Variants in PDE5A observed in about 807,000 individuals in gnomAD.
PDE5A encodes the protein cGMP-specific 3',5'-cyclic phosphodiesterase.
Under a neutral mutation model 110.2 loss-of-function variants are expected in PDE5A, and 67 were observed. That is an observed-to-expected ratio of 0.61 (90% CI 0.50 to 0.75). The LOEUF (loss-of-function observed/expected upper bound fraction) is 0.75. Ranked by LOEUF, PDE5A falls within the 30% of genes least tolerant of loss-of-function variation. PDE5A has a pLI of 0.00. For synonymous variants in PDE5A, 328 were observed against 351.2 expected, an observed-to-expected ratio of 0.93 and a Z score of 0.74; for missense variants, 862 against 1,045.1, an observed-to-expected ratio of 0.82 and a Z score of 2.42.
In PDE5A at chr4:119,498,368, A is replaced by G; in HGVS notation, c.*233T>C. 4.2e-6 allele frequency: 2 copies of G among 470,870 alleles called. No individual in the cohort carries two copies. The highest frequency in any genetic ancestry group is 3.2e-5 in the East Asian group (1 of 31,306). 29.2% of individuals were successfully genotyped at this position (470,870 alleles called of 1,614,324 possible). A position where few individuals can be genotyped will look rare whatever the true frequency, so the allele number is the denominator to read the frequency against. The stretch of plus-strand genomic sequence containing the variant: ...ACAATGCTTTTATCAATGTGCTAAC[A>G]GTGGATGTTGTTGATCCTTTCAGTT... On this transcript the variant is annotated 3_prime_UTR_variant, in exon 21 of 21. Coordinates refer to ENST00000354960, the MANE Select transcript of PDE5A (RefSeq NM_001083.4).
intron 3 of PDE5A, among the ~76,000 whole-genome samples, chr4:119,576,288 A>G (rs895758833): frequency 4.6e-5 from 7 of 152,206 alleles, no homozygotes; most frequent in Non-Finnish European, 8.8e-5. Context: ...CGAGACAGAG[A>G]GTTAACAAGG....
At chr4:119,596,787 TA>T (rs1282508972) in intron 2 of PDE5A, among the ~76,000 whole-genome samples, 175 bp from the exon 3 acceptor site, 1 of 152,118 alleles carries the variant, frequency 6.6e-6, no homozygotes, top group Non-Finnish European at 1.5e-5. Context: ...TTGACAAAGA[TA>T]AATTGAAGTT....
In PDE5A at chr4:119,617,631, C is replaced by T. The variant is rs78266833; in HGVS notation, c.153-10334G>A. Among the ~76,000 whole-genome samples, 1,432 of 152,156 alleles carry T rather than the reference C, an allele frequency of 9.4e-3. 24 individuals carry two copies. The highest frequency in any genetic ancestry group is 0.032 in the African/African-American group (1,346 of 41,538). On this transcript the variant is annotated intron_variant, in intron 1 of 20. Coordinates refer to ENST00000354960, the MANE Select transcript of PDE5A (RefSeq NM_001083.4). Reference sequence around the variant, plus strand: ...AGAAAAATTGACAAGGCAAAGTAAACTTTTGATATAAACATAATAACCCTC... The same window carrying T: ...AGAAAAATTGACAAGGCAAAGTAAATTTTTGATATAAACATAATAACCCTC...
rs1730410234 is a variant in PDE5A, at chr4:119,627,700, G to A, written c.152+820C>T. ...TCTCCCGCGAGCGTTTCCCACGAGCGCCCCGACTGCCCGCTGCGCAGCCGC... is the reference window on the plus strand; with the variant it reads ...TCTCCCGCGAGCGTTTCCCACGAGCACCCCGACTGCCCGCTGCGCAGCCGC... On this transcript the variant is annotated intron_variant, in intron 1 of 20. Transcript: ENST00000354960. The surrounding 1 kb of genome is among the most constrained non-coding windows in gnomAD (Gnocchi z 4.6). 6.5e-6 allele frequency: 1 copy of A among 153,248 alleles called. No individual in the cohort carries two copies. Among genetic ancestry groups the A allele is most frequent in the Non-Finnish European group, 1.5e-5 (1 of 68,916 alleles). 9.5% of individuals were successfully genotyped at this position (153,248 alleles called of 1,614,324 possible). A position where few individuals can be genotyped will look rare whatever the true frequency, so the allele number is the denominator to read the frequency against.
chr4:119,506,794 C>T (rs1725569059), intron 16 of PDE5A, among the ~76,000 whole-genome samples: 1 of 151,890 alleles, frequency 6.6e-6, no homozygotes, highest in Non-Finnish European at 1.5e-5. Flanking sequence ...TAAGTAGGCA[C>T]ATGCAGTTAC....
chr4:119,502,099 T>G (rs1297135760), intron 19 of PDE5A, among the ~76,000 whole-genome samples: 2 of 152,158 alleles, frequency 1.3e-5, no homozygotes, highest in Admixed American at 6.6e-5. Flanking sequence ...TCTTTTGGTA[T>G]CTCTCCTTCC....
chr4:119,518,971 G>C, intron 14 of PDE5A, 74 bp downstream of exon 14: 3 of 1,002,278 alleles, frequency 3.0e-6, no homozygotes, highest in Non-Finnish European at 4.7e-6. Context: ...AAATTTTGCT[G>C]TGGCTTTAAC....
intron 1 of PDE5A, among the ~76,000 whole-genome samples, chr4:119,611,165 C>T (rs1333888629): frequency 2.0e-5 from 3 of 152,294 alleles, no homozygotes; most frequent in East Asian, 1.9e-4. Context: ...CTGACTGCTC[C>T]ACCTAAAGTG....
At chr4:119,599,503 A>G (rs1729266118) in intron 2 of PDE5A, among the ~76,000 whole-genome samples, 1 of 152,118 alleles carries the variant, frequency 6.6e-6, no homozygotes. Flanking sequence ...CTATTAAAAT[A>G]GTCAAATGAA....
At position 119,627,021 on chromosome 4, in the gene PDE5A, G is replaced by T; in HGVS notation, c.152+1499C>A. ...GCAAAGAATAACAACAACAACAAAA[G>T]TTATACAGTCAATTTTCAATGATAC... On this transcript the variant is annotated intron_variant, in intron 1 of 20. Transcript: ENST00000354960. The surrounding 1 kb of genome is among the most constrained non-coding windows in gnomAD (Gnocchi z 4.6). 3 of 1,039,930 alleles carry T rather than the reference G, an allele frequency of 2.9e-6. No individual in the cohort carries two copies. Among genetic ancestry groups the T allele is most frequent in the Admixed American group, 2.2e-5 (1 of 46,500 alleles). The allele number at this position is 1,039,930 out of a possible 1,614,324, so 64.4% of individuals were successfully genotyped here.
chr4:119,618,460 T>G (rs1309178970), intron 1 of PDE5A, among the ~76,000 whole-genome samples: 4 of 152,094 alleles, frequency 2.6e-5, no homozygotes. Flanking sequence ...TTTTCATGTA[T>G]TTTTTCAAAT....
chr4:119,578,010 G>T (rs377022035), intron 3 of PDE5A, among the ~76,000 whole-genome samples: 2 of 152,140 alleles, frequency 1.3e-5, no homozygotes, highest in African/African-American at 2.4e-5. Flanking sequence ...AAAATCGATG[G>T]GCAAAAATCA....
rs1726794559 is a variant in PDE5A, at chr4:119,538,169, T to A, written c.1632+791A>T. 2.0e-5 allele frequency among the ~76,000 whole-genome samples: 3 copies of A among 152,084 alleles called. No individual in the cohort carries two copies. In the South Asian group the frequency reaches 6.2e-4, roughly 31 times the overall value. ...GCCTTCATAACATAGTTATGAAGTTTACATGAGAAAACAGTTGTGCAGTTT... is the reference window on the plus strand; with the variant it reads ...GCCTTCATAACATAGTTATGAAGTTAACATGAGAAAACAGTTGTGCAGTTT... On this transcript the variant is annotated intron_variant, in intron 11 of 20. Transcript: ENST00000354960.
intron 5 of PDE5A, among the ~76,000 whole-genome samples, chr4:119,564,486 C>A (rs1727854148): frequency 6.6e-6 from 1 of 152,062 alleles, no homozygotes; most frequent in Non-Finnish European, 1.5e-5. Context: ...TATGATGACA[C>A]TAGTGTAGCA....
At chr4:119,595,006 T>A (rs72678537) in intron 3 of PDE5A, among the ~76,000 whole-genome samples, 2,164 of 152,274 alleles carry the variant, frequency 0.014, 23 homozygotes, top group Middle Eastern at 0.024. Flanking sequence ...CAGGCAGTGA[T>A]ATGTAGAATG....
intron 14 of PDE5A, among the ~76,000 whole-genome samples, chr4:119,518,112 A>T (rs1416488641): frequency 1.3e-5 from 2 of 152,034 alleles, no homozygotes; most frequent in East Asian, 3.9e-4. Context: ...TTTTCCATTT[A>T]TTTAGATAAG....
At chr4:119,584,865 G>A (rs761728116) in intron 3 of PDE5A, among the ~76,000 whole-genome samples, 4 of 152,162 alleles carry the variant, frequency 2.6e-5, no homozygotes, top group African/African-American at 9.7e-5. Flanking sequence ...CGATGGTGCA[G>A]AAAGATATAA....
At chr4:119,529,217 C>G (rs1726441130) in intron 11 of PDE5A, among the ~76,000 whole-genome samples, 1 of 151,994 alleles carries the variant, frequency 6.6e-6, no homozygotes, top group South Asian at 2.1e-4. Flanking sequence ...AGGCTCTCTT[C>G]CAGGCCTCTT....
chr4:119,551,726 T>A (rs1490299293), intron 9 of PDE5A, among the ~76,000 whole-genome samples: 1 of 152,190 alleles, frequency 6.6e-6, no homozygotes, highest in Non-Finnish European at 1.5e-5. Flanking sequence ...CTGCCCCTTC[T>A]TTCTGACTAA....
Sources: gnomAD v4.1 joint callset for allele counts (sites outside exome capture counted in the v4.1 genomes callset) on GRCh38, gnomAD v4.1.1 for gene constraint, Gnocchi (gnomAD v3.1) non-coding constraint, MANE v1.5 for transcripts, NCBI Gene and HGNC (gene_info 2026-07-23, HGNC 2026-07-21) for gene names.